The following ZNF503 variants were observed in gnomAD, a reference collection of about 807,000 sequenced individuals.
ZNF503 encodes NocA-like zinc finger 2.
A neutral mutation model predicts 34.4 loss-of-function variants in ZNF503; 15 were observed. The observed-to-expected ratio is 0.44, with a 90% CI of 0.29 to 0.67. The LOEUF (loss-of-function observed/expected upper bound fraction) is 0.67, where lower values mean the gene tolerates loss of function less well. ZNF503 is among the 30% of genes least tolerant of loss of function. The pLI is 0.13. For missense variants in ZNF503, 1,007 were observed against 926.8 expected, an observed-to-expected ratio of 1.09 and a Z score of -1.12; for synonymous variants, 580 against 456.8, an observed-to-expected ratio of 1.27 and a Z score of -3.44.
At chr10:75,351,174 AT>A in the ZNF503 span, among the ~76,000 whole-genome samples, 3 of 150,746 alleles carry the variant, frequency 2.0e-5, no homozygotes, top group African/African-American at 4.9e-5. Context: ...GGAGGTGGCA[AT>A]TTTTTTTTCT....
the ZNF503 span, among the ~76,000 whole-genome samples, chr10:75,355,958 A>T: frequency 6.6e-6 from 1 of 152,176 alleles, no homozygotes; most frequent in African/African-American, 2.4e-5. Context: ...GAGACCTTAG[A>T]TGGGACTCTG....
the ZNF503 span, among the ~76,000 whole-genome samples, chr10:75,355,857 C>A: frequency 6.6e-6 from 1 of 152,152 alleles, no homozygotes; most frequent in African/African-American, 2.4e-5. Flanking sequence ...CTGGAAGATT[C>A]GAAGGCTGAA....
chr10:75,347,935 G>A, the ZNF503 span, among the ~76,000 whole-genome samples: 1 of 152,172 alleles, frequency 6.6e-6, no homozygotes, highest in South Asian at 2.1e-4. Context: ...GTGCAGTGGA[G>A]TGCTGTGGCA....
At position 75,399,598 on chromosome 10, in the gene ZNF503, G is replaced by T; in HGVS notation, c.1092C>A (p.Ala364=). 6.3e-7 allele frequency: 1 copy of T among 1,597,652 alleles called. No homozygotes were observed. Among genetic ancestry groups the T allele is most frequent in the Admixed American group, 1.7e-5 (1 of 59,968 alleles). ...PAGMTYPGSL[A]GAYAGYPPQF... The stretch of plus-strand genomic sequence containing the variant: ...GGGGCGGGTAGCCGGCGTAGGCCCC[G>T]GCCAGGCTGCCTGGGTAGGTCATAC... The change falls in exon 2 of 2, where the codon GCC becomes GCA. Residue 364 remains alanine, a synonymous_variant. Coordinates refer to ENST00000372524, the MANE Select transcript of ZNF503 (RefSeq NM_032772.6).
chr10:75,343,394 G>T, the ZNF503 span: 1 of 152,316 alleles, frequency 6.6e-6, no homozygotes, highest in Non-Finnish European at 1.5e-5. Flanking sequence ...TGCCCAGGAA[G>T]GGGTTTGCAC....
chr10:75,290,644 AC>A, the ZNF503 span, among the ~76,000 whole-genome samples: 2 of 152,244 alleles, frequency 1.3e-5, no homozygotes, highest in South Asian at 4.1e-4. Flanking sequence ...AATGAGAGAT[AC>A]TGCTGCAGCC....
At chr10:75,305,883 A>G in the ZNF503 span, among the ~76,000 whole-genome samples, 1 of 152,218 alleles carries the variant, frequency 6.6e-6, no homozygotes, top group Non-Finnish European at 1.5e-5. Flanking sequence ...AGGCTGAATA[A>G]TATTCCACTG....
chr10:75,334,893 C>T, the ZNF503 span, among the ~76,000 whole-genome samples: 3 of 152,194 alleles, frequency 2.0e-5, no homozygotes, highest in Admixed American at 6.5e-5. Flanking sequence ...ACATGAATGA[C>T]CTCATTTTTC....
chr10:75,370,119 G>T, the ZNF503 span, among the ~76,000 whole-genome samples: 2 of 151,720 alleles, frequency 1.3e-5, no homozygotes, highest in Admixed American at 1.3e-4. Context: ...TGGTTATCTT[G>T]GGGAGGTTAG....
At chr10:75,349,242 C>T in the ZNF503 span, among the ~76,000 whole-genome samples, 1 of 152,198 alleles carries the variant, frequency 6.6e-6, no homozygotes, top group African/African-American at 2.4e-5. Context: ...TTCGGACACA[C>T]TTTGCATTTA....
At chr10:75,343,580 C>T in the ZNF503 span, among the ~76,000 whole-genome samples, 12 of 152,226 alleles carry the variant, frequency 7.9e-5, no homozygotes, top group Non-Finnish European at 1.8e-4. Flanking sequence ...TTCTCTTCCA[C>T]ACCTGTTCAG....
At chr10:75,340,756 G>A in the ZNF503 span, among the ~76,000 whole-genome samples, 1 of 152,146 alleles carries the variant, frequency 6.6e-6, no homozygotes, top group East Asian at 1.9e-4. Flanking sequence ...GCGCCACCAC[G>A]CTGGGCTAAT....
chr10:75,385,620 G>T, the ZNF503 span, among the ~76,000 whole-genome samples: 4 of 152,204 alleles, frequency 2.6e-5, no homozygotes, highest in African/African-American at 7.2e-5. Flanking sequence ...CTGGGTCCCA[G>T]GGGTGTGCAT....
chr10:75,302,184 G>T, the ZNF503 span, among the ~76,000 whole-genome samples: 1 of 152,302 alleles, frequency 6.6e-6, no homozygotes, highest in East Asian at 1.9e-4. Context: ...CTTTAAATAT[G>T]TCATTCCATT....
Position 75,401,415 on chromosome 10 carries a change from C to T in ZNF503, c.5G>A (p.Ser2Asn), listed in dbSNP as rs746644250. The change falls in exon 1 of 2, where the codon AGC becomes AAC. Residue 2 changes from serine (S) to asparagine (N), a missense_variant. By Grantham distance (46) the Ser-to-Asn change is conservative. Coordinates refer to ENST00000372524, the MANE Select transcript of ZNF503 (RefSeq NM_032772.6). Reference sequence around the variant, plus strand: ...TAGGGCAGAAAGCGAGGGCGCTGTGCTCATGACCCACCCGCGCGCATGGGA... The same window carrying T: ...TAGGGCAGAAAGCGAGGGCGCTGTGTTCATGACCCACCCGCGCGCATGGGA... M[S>N]TAPSLSALRS... 67 of 1,536,786 alleles carry T rather than the reference C, an allele frequency of 4.4e-5. No individual in the cohort carries two copies. Among genetic ancestry groups the T allele is most frequent in the Non-Finnish European group, 5.7e-5 (65 of 1,145,910 alleles).
At chr10:75,301,290 G>A in the ZNF503 span, among the ~76,000 whole-genome samples, 1,840 of 152,162 alleles carry the variant, frequency 0.012, 37 homozygotes, top group African/African-American at 0.042. Context: ...GCCCAGGATG[G>A]AGTGCAGTGG....
chr10:75,390,975 G>A, the ZNF503 span, among the ~76,000 whole-genome samples: 2 of 152,168 alleles, frequency 1.3e-5, no homozygotes, highest in African/African-American at 4.8e-5. Context: ...TTGGTTGGGG[G>A]TGGGAGGTTG....
At chr10:75,297,044 G>A in the ZNF503 span, among the ~76,000 whole-genome samples, 4 of 152,224 alleles carry the variant, frequency 2.6e-5, no homozygotes, top group East Asian at 7.7e-4. Flanking sequence ...GTCCTCAACT[G>A]TGACCTTGCC....
chr10:75,397,280 G>T (rs1843711255), downstream of ZNF503, among the ~76,000 whole-genome samples: 2 of 152,148 alleles, frequency 1.3e-5, no homozygotes, highest in African/African-American at 4.8e-5. Flanking sequence ...GCCAGAAGAA[G>T]AAAAGAGGAC....
Sources: allele counts gnomAD v4.1 joint callset (sites outside exome capture counted in the v4.1 genomes callset), GRCh38; gene constraint gnomAD v4.1.1; transcripts MANE v1.5; gene names NCBI Gene and HGNC (gene_info 2026-07-23, HGNC 2026-07-21).